Variants in MFSD12 observed in about 807,000 individuals in gnomAD.
MFSD12 encodes the protein major facilitator superfamily domain-containing protein 12.
In MFSD12, 67 loss-of-function variants were observed where a neutral mutation model predicts 51.2. That is an observed-to-expected ratio of 1.31 (90% CI 1.08 to 1.60). The LOEUF (loss-of-function observed/expected upper bound fraction) is 1.60, where lower values mean the gene tolerates loss of function less well. MFSD12 is among the 40% of genes most tolerant of loss of function. The pLI is 0.00. For missense variants in MFSD12, 921 were observed against 673.0 expected, an observed-to-expected ratio of 1.37 and a Z score of -4.08; for synonymous variants, 441 against 316.7, an observed-to-expected ratio of 1.39 and a Z score of -4.17.
chr19:3,543,693 G>A (rs1241224899), downstream of MFSD12: 2 of 1,523,996 alleles, frequency 1.3e-6, no homozygotes, highest in Non-Finnish European at 1.8e-6. Flanking sequence ...GAGGCTAGGT[G>A]CAGGGTGGGT....
In MFSD12 at chr19:3,551,965, C is replaced by T. The variant is rs1319961729; in HGVS notation, c.299-771G>A. 6.6e-6 allele frequency among the ~76,000 whole-genome samples: 1 copy of T among 152,076 alleles called. No homozygotes were observed. Among genetic ancestry groups the T allele is most frequent in the Non-Finnish European group, 1.5e-5 (1 of 68,014 alleles). On this transcript the variant is annotated intron_variant, in intron 1 of 9. Coordinates refer to ENST00000355415, the MANE Select transcript of MFSD12 (RefSeq NM_174983.5). The surrounding 1 kb of genome is among the most constrained non-coding windows in gnomAD (Gnocchi z 4.6). ...CCTAGAGCTCTCTCTCACATCTTAG[C>T]AAGACTGGCTCCTTTTCACCTCTGG...
Position 3,547,444 on chromosome 19 carries a change from A to C in MFSD12, c.930+11T>G. On this transcript the variant is annotated intron_variant, in intron 5 of 9. Transcript: ENST00000355415. ...CGTCCCATCCCAGCGTCCCCGCCCC[A>C]ATCTGCTCACCTTGGGCAGGTGGAG... is the stretch of plus-strand genomic sequence containing the variant. The C allele has an allele frequency of 6.2e-7, 1 of 1,612,648 alleles. No homozygotes were observed. Among genetic ancestry groups the C allele is most frequent in the Non-Finnish European group, 8.5e-7 (1 of 1,179,732 alleles).
At chr19:3,549,063 C>T (rs536114018) in intron 2 of MFSD12, among the ~76,000 whole-genome samples, 2 of 152,280 alleles carry the variant, frequency 1.3e-5, no homozygotes, top group South Asian at 4.1e-4. Flanking sequence ...GAGAAGAGTT[C>T]CCACCTCCCA....
rs769194402 is a variant in MFSD12, at chr19:3,547,967, G to T, written c.718C>A (p.Arg240=). The T allele has an allele frequency of 1.9e-6, 3 of 1,597,556 alleles. No individual in the cohort carries two copies. Among genetic ancestry groups the T allele is most frequent in the Middle Eastern group, 1.7e-4 (1 of 6,026 alleles). Reference sequence around the variant, plus strand: ...TCCGCATGCGGCCGGCGCCTCTCCCGGGTGCCCAGGTGGAATAGCAGTGAG... The same window carrying T: ...TCCGCATGCGGCCGGCGCCTCTCCCTGGTGCCCAGGTGGAATAGCAGTGAG... The part of the protein sequence containing the change: ...VFSLLFHLGT[R]ERRRPHAEEP... Residue 240 remains arginine (R), a synonymous_variant, in exon 4 of 10, where the codon CGG becomes AGG. Transcript: ENST00000355415.
chr19:3,543,114 G>T, downstream of MFSD12: 2 of 1,524,632 alleles, frequency 1.3e-6, no homozygotes, highest in Non-Finnish European at 1.8e-6. Flanking sequence ...CAAGTGGCGA[G>T]GGAGGGAGAC....
At chr19:3,544,091 G>A (rs1417461467), downstream of MFSD12, 25 of 1,447,714 alleles carry the variant, frequency 1.7e-5, no homozygotes, top group East Asian at 1.0e-4. Context: ...CCAGAGGCTC[G>A]GGACAGAGGC....
At chr19:3,544,187 C>G, downstream of MFSD12, 1 of 1,370,512 alleles carries the variant, frequency 7.3e-7, no homozygotes, top group Non-Finnish European at 9.4e-7. Context: ...CGCAGGCAGA[C>G]AGGAGCCAGG....
At chr19:3,539,391 ACGTCCCCTC>A, downstream of MFSD12, 1 of 624,526 alleles carries the variant, frequency 1.6e-6, no homozygotes. Context: ...CATGTGTGTG[ACGTCCCCTC>A]CAGCTCTTCC....
intron 1 of MFSD12, among the ~76,000 whole-genome samples, chr19:3,554,310 G>A (rs985165701): frequency 3.3e-5 from 5 of 151,708 alleles, no homozygotes; most frequent in African/African-American, 4.8e-5. Flanking sequence ...GGTGGCACGT[G>A]CCTGTAATCC....
chr19:3,552,460 G>A (rs1440828289), intron 1 of MFSD12, among the ~76,000 whole-genome samples: 307 of 119,998 alleles, frequency 2.6e-3, no homozygotes, highest in African/African-American at 9.5e-3. Flanking sequence ...GAGCCACCGC[G>A]CCCCGCCTTT....
downstream of MFSD12, among the ~76,000 whole-genome samples, chr19:3,540,543 ACCGCGCCTAG>A (rs2030300982): frequency 6.7e-6 from 1 of 149,838 alleles, no homozygotes; most frequent in South Asian, 2.2e-4. Flanking sequence ...GGCGTGAGGC[ACCGCGCCTAG>A]CTGTGAGACC....
chr19:3,544,091 G>C (rs1417461467), downstream of MFSD12: 1 of 1,447,832 alleles, frequency 6.9e-7, no homozygotes, highest in Non-Finnish European at 9.2e-7. Flanking sequence ...CCAGAGGCTC[G>C]GGACAGAGGC....
intron 6 of MFSD12, 35 bp downstream of exon 6, chr19:3,547,237 T>G: frequency 6.3e-7 from 1 of 1,580,952 alleles, no homozygotes; most frequent in South Asian, 1.1e-5. Flanking sequence ...CACCCCATCC[T>G]CCGCCCCAGC....
rs1348271131 is a variant in MFSD12 at position 3,544,478 on chromosome 19, G to A, written c.*232C>T. ...GCACCCCAAATCCTCCAGAGGGCTG[G>A]GATGGATTAGAGTTGAGAATGGGAC... On this transcript the variant is annotated 3_prime_UTR_variant, in exon 10 of 10. Coordinates refer to ENST00000355415, the MANE Select transcript of MFSD12 (RefSeq NM_174983.5). The A allele has an allele frequency of 2.2e-6, 3 of 1,376,016 alleles. No individual in the cohort carries two copies. Among genetic ancestry groups the A allele is most frequent in the Non-Finnish European group, 2.8e-6 (3 of 1,067,438 alleles). 85.2% of individuals were successfully genotyped at this position (1,376,016 alleles called of 1,614,324 possible). A position where few individuals can be genotyped will look rare whatever the true frequency, so the allele number is the denominator to read the frequency against.
At chr19:3,544,785 AGGG>A in intron 9 of MFSD12, 21 bp downstream of exon 9, 1 of 509,590 alleles carries the variant, frequency 2.0e-6, no homozygotes, top group Non-Finnish European at 3.8e-6. Context: ...GTGTCTGGGG[AGGG>A]AGGGGTGGGC....
chr19:3,549,602 A>G (rs1313368948), intron 2 of MFSD12, among the ~76,000 whole-genome samples: 2 of 151,596 alleles, frequency 1.3e-5, no homozygotes, highest in Non-Finnish European at 2.9e-5. Flanking sequence ...GGGTGCCTGT[A>G]GTCCCAGCTA....
At chr19:3,543,962 C>T (rs1056331524), downstream of MFSD12, 7 of 1,550,478 alleles carry the variant, frequency 4.5e-6, no homozygotes, top group Non-Finnish European at 6.1e-6. Context: ...CATACTGCCC[C>T]TCCACCTGCC....
At chr19:3,542,859 CA>C, downstream of MFSD12, 2 of 1,385,808 alleles carry the variant, frequency 1.4e-6, no homozygotes, top group South Asian at 2.3e-5. Context: ...ACCTCCAGGC[CA>C]GGGGGGCTTC....
exon 5 of MFSD12, chr19:3,538,745 G>A (rs925782761): frequency 1.0e-5 from 5 of 488,306 alleles, no homozygotes; most frequent in Non-Finnish European, 2.1e-5. Context: ...GCCACTGCGT[G>A]CAGGTCTCAT....
Sources: allele counts gnomAD v4.1 joint callset (sites outside exome capture counted in the v4.1 genomes callset), GRCh38; gene constraint gnomAD v4.1.1; non-coding constraint Gnocchi (gnomAD v3.1); transcripts MANE v1.5; gene names NCBI Gene and HGNC (gene_info 2026-07-23, HGNC 2026-07-21).